The following BPI variants were observed in gnomAD, a reference collection of about 807,000 sequenced individuals.
The protein encoded by BPI is bactericidal permeability-increasing protein.
Under a neutral mutation model 57.6 loss-of-function variants are expected in BPI, and 48 were observed. The ratio of observed to expected loss-of-function variants is 0.83; its 90% CI spans 0.66 to 1.06. The LOEUF is 1.06. BPI is among the 50% of genes least tolerant of loss of function. BPI has a pLI of 0.00. For synonymous variants in BPI, 237 were observed against 238.2 expected (o/e 0.99, Z 0.05); for missense variants, 651 against 609.7 (o/e 1.07, Z -0.71).
Position 38,320,760 on chromosome 20 carries a change from C to T in BPI, c.756+486C>T, listed in dbSNP as rs555135931. Among the ~76,000 whole-genome samples, 5 of 151,586 alleles carry T rather than the reference C, an allele frequency of 3.3e-5. No individual in the cohort carries two copies. In the South Asian group the frequency reaches 8.4e-4, roughly 25 times the overall value. ...GAAGGGGCTGCGACTATTTTGTTCA[C>T]TACCACATGTGCAGCACCTAGACCA... On this transcript the variant is annotated intron_variant, in intron 7 of 14. Transcript: ENST00000642449.
chr20:38,325,246 G>A (rs906134194), intron 9 of BPI, among the ~76,000 whole-genome samples: 2 of 147,928 alleles, frequency 1.4e-5, no homozygotes, highest in African/African-American at 5.2e-5. Flanking sequence ...ACCAACAGGT[G>A]GATGAGGTTA....
intron 5 of BPI, among the ~76,000 whole-genome samples, chr20:38,316,752 T>C (rs564151064): frequency 6.6e-6 from 1 of 152,298 alleles, no homozygotes; most frequent in East Asian, 1.9e-4. Context: ...GTCTACCACC[T>C]CCTACCCTTC....
chr20:38,315,328 A>C (rs2076647006), intron 5 of BPI, among the ~76,000 whole-genome samples: 1 of 152,192 alleles, frequency 6.6e-6, no homozygotes, highest in Admixed American at 6.5e-5. Flanking sequence ...ATGAAATGTC[A>C]TGATGCCAGG....
At chr20:38,313,275 C>T (rs1191573331) in intron 5 of BPI, among the ~76,000 whole-genome samples, 2 of 151,260 alleles carry the variant, frequency 1.3e-5, no homozygotes, top group Non-Finnish European at 1.5e-5. Context: ...CCCAGCTACT[C>T]GGCATGCTGA....
chr20:38,326,243 T>G (rs1568817091), intron 9 of BPI, 22 bp from the exon 10 acceptor site: 1 of 1,592,614 alleles, frequency 6.3e-7, no homozygotes, highest in Non-Finnish European at 8.6e-7. Flanking sequence ...CTTTCGTTGA[T>G]TGTCTCCACT....
At chr20:38,327,446 C>T in intron 10 of BPI, 142 bp from the exon 11 acceptor site, 1 of 790,182 alleles carries the variant, frequency 1.3e-6, no homozygotes, top group South Asian at 1.6e-5. Context: ...GGAAGTCTCC[C>T]CACTCCTCTG....
intron 6 of BPI, 194 bp from the exon 7 acceptor site, chr20:38,319,989 G>A (rs2076672856): frequency 1.7e-6 from 1 of 596,014 alleles, no homozygotes; most frequent in African/African-American, 1.9e-5. Context: ...AGAGTAAGGG[G>A]GTGTCTGTGA....
chr20:38,335,559 T>G, intron 13 of BPI, 39 bp from the exon 14 acceptor site: 1 of 1,582,568 alleles, frequency 6.3e-7, no homozygotes, highest in Non-Finnish European at 8.7e-7. Context: ...GCCCTTCTCT[T>G]TCTTTTCTCC....
At chr20:38,306,554 T>G (rs2076597642) in intron 1 of BPI, among the ~76,000 whole-genome samples, 1 of 152,160 alleles carries the variant, frequency 6.6e-6, no homozygotes, top group Non-Finnish European at 1.5e-5. Context: ...AGGGCGTTGC[T>G]CTGATCTACT....
chr20:38,328,586 A>G (rs1181412271), intron 11 of BPI, among the ~76,000 whole-genome samples: 3 of 151,092 alleles, frequency 2.0e-5, no homozygotes, highest in Admixed American at 6.6e-5. Context: ...TACTTTGCCA[A>G]CAGCATTATT....
chr20:38,313,383 C>CAA lies in BPI; in HGVS notation c.600+1475_600+1476dup, dbSNP rs60202764. On this transcript the variant is annotated intron_variant, in intron 5 of 14. Transcript: ENST00000642449. ...GGGCAACGAGAGTGAAACCCTGTCT[C>CAA]AAAAAAAAAAAAAAAAAAAAAAAAA... 2.4e-4 allele frequency among the ~76,000 whole-genome samples: 20 copies of CAA among 84,594 alleles called. 1 individual carries two copies. Among genetic ancestry groups the CAA allele is most frequent in the African/African-American group, 9.0e-4 (19 of 21,134 alleles). 55.5% of individuals were successfully genotyped at this position (84,594 alleles called of 152,430 possible).
intron 12 of BPI, among the ~76,000 whole-genome samples, chr20:38,332,000 A>T (rs2076745191): frequency 6.6e-6 from 1 of 152,160 alleles, no homozygotes; most frequent in African/African-American, 2.4e-5. Flanking sequence ...GGACTGAAGG[A>T]GGAGAAGGAG....
intron 5 of BPI, among the ~76,000 whole-genome samples, chr20:38,315,186 C>T (rs1170175430): frequency 1.3e-5 from 2 of 152,134 alleles, no homozygotes; most frequent in African/African-American, 2.4e-5. Flanking sequence ...GGTGAGTAAA[C>T]TGAGATACAG....
At chr20:38,320,051 T>C (rs2076673278) in intron 6 of BPI, 132 bp from the exon 7 acceptor site, 4 of 747,358 alleles carry the variant, frequency 5.4e-6, no homozygotes, top group South Asian at 1.7e-5. Context: ...TAAGGAGAGC[T>C]CCCTGGAGAA....
chr20:38,305,995 TC>T (rs2122487761), intron 1 of BPI, among the ~76,000 whole-genome samples: 1 of 152,338 alleles, frequency 6.6e-6, no homozygotes, highest in Non-Finnish European at 1.5e-5. Flanking sequence ...GTGGTAGAAT[TC>T]CTGCCATTAG....
intron 6 of BPI, chr20:38,319,801 CA>C: frequency 5.1e-6 from 1 of 194,266 alleles, no homozygotes; most frequent in Non-Finnish European, 1.1e-5. Context: ...CACCTCCTCT[CA>C]AAACCCTCCC....
At chr20:38,317,239 A>G (rs2076656752) in intron 5 of BPI, among the ~76,000 whole-genome samples, 1 of 152,168 alleles carries the variant, frequency 6.6e-6, no homozygotes, top group Admixed American at 6.5e-5. Context: ...TTTAAATCCT[A>G]TATTCTAGCT....
chr20:38,327,834 C>A (rs2076721440), intron 11 of BPI, among the ~76,000 whole-genome samples, 179 bp downstream of exon 11: 1 of 152,104 alleles, frequency 6.6e-6, no homozygotes, highest in Non-Finnish European at 1.5e-5. Flanking sequence ...CCATGAAACT[C>A]ATGCTCAGAG....
chr20:38,324,928 A>T, intron 9 of BPI, 95 bp downstream of exon 9: 5 of 994,540 alleles, frequency 5.0e-6, no homozygotes, highest in Non-Finnish European at 8.0e-6. Context: ...ACCCAACATA[A>T]CACACACAAG....
Sources: gnomAD v4.1 joint callset for allele counts (sites outside exome capture counted in the v4.1 genomes callset) on GRCh38, gnomAD v4.1.1 for gene constraint, MANE v1.5 for transcripts, NCBI Gene and HGNC (gene_info 2026-07-23, HGNC 2026-07-21) for gene names.